NME7: variants seen among roughly 807,000 people sequenced by gnomAD.
The protein encoded by NME7 is NME/NM23 family member 7.
In NME7, 41 loss-of-function variants were observed where a neutral mutation model predicts 49.1. The ratio of observed to expected loss-of-function variants is 0.83; its 90% CI spans 0.65 to 1.08. NME7 has a LOEUF of 1.08. Ranked by LOEUF, NME7 falls within the 50% of genes least tolerant of loss-of-function variation. The pLI is 0.00. For synonymous variants in NME7, 139 were observed against 150.6 expected (o/e 0.92, Z 0.56); for missense variants, 423 against 463.4 (o/e 0.91, Z 0.80).
intron 7 of NME7, among the ~76,000 whole-genome samples, chr1:169,281,659 T>G (rs987938996): frequency 2.2e-4 from 34 of 152,214 alleles, no homozygotes; most frequent in Admixed American, 2.2e-3. Flanking sequence ...GTTTTTAGCA[T>G]GAAGGGGTGC....
intron 1 of NME7, among the ~76,000 whole-genome samples, chr1:169,344,500 G>A (rs1320988319): frequency 6.6e-6 from 1 of 152,144 alleles, no homozygotes; most frequent in South Asian, 2.1e-4. Flanking sequence ...ATTTAAATAT[G>A]TTGCTAGCTG....
chr1:169,147,734 C>T (rs149681839), intron 11 of NME7, among the ~76,000 whole-genome samples: 1 of 152,288 alleles, frequency 6.6e-6, no homozygotes, highest in East Asian at 1.9e-4. Context: ...TAAGCATTTG[C>T]CCAATATGAG....
rs1013543144 is a variant in NME7, at chr1:169,250,414, C to A, written c.755-12727G>T. ...TTTGTTTATCTTTTTGAAAAACCAA[C>A]TTTTAGTGTCATTGATCTTTGGTAT... On this transcript the variant is annotated intron_variant, in intron 7 of 11. Transcript: ENST00000367811. 3.3e-5 allele frequency among the ~76,000 whole-genome samples: 5 copies of A among 151,954 alleles called. No homozygotes were observed. The East Asian group carries it at 7.7e-4, about 23-fold the overall frequency.
intron 10 of NME7, among the ~76,000 whole-genome samples, chr1:169,175,062 C>T (rs1659715087): frequency 6.6e-6 from 1 of 152,084 alleles, no homozygotes; most frequent in Non-Finnish European, 1.5e-5. Flanking sequence ...ACACATTGTA[C>T]AGCTGTACAA....
chr1:169,228,683 C>CAAAAAA, intron 10 of NME7, among the ~76,000 whole-genome samples: 1 of 90,422 alleles, frequency 1.1e-5, no homozygotes, highest in Non-Finnish European at 2.1e-5. Flanking sequence ...GACTCCGTCT[C>CAAAAAA]AAAAAAAAAA....
At chr1:169,319,023 ATTTAATTTAATTTTAATTTTAATTTTAAT>A (rs1273152031) in intron 3 of NME7, among the ~76,000 whole-genome samples, 3 of 134,448 alleles carry the variant, frequency 2.2e-5, no homozygotes, top group Non-Finnish European at 3.4e-5. Flanking sequence ...TTAAAATTAA[ATTTAATTTAATTTTAATTTTAATTTTAAT>A]TTTAATTTAA....
intron 10 of NME7, among the ~76,000 whole-genome samples, chr1:169,181,734 G>A (rs1047143566): frequency 2.6e-5 from 4 of 151,912 alleles, no homozygotes; most frequent in African/African-American, 9.7e-5. Flanking sequence ...TATCTAAACC[G>A]CTTTGGCAAA....
intron 10 of NME7, among the ~76,000 whole-genome samples, chr1:169,224,574 T>C (rs1202683592): frequency 6.6e-6 from 1 of 152,184 alleles, no homozygotes; most frequent in East Asian, 1.9e-4. Flanking sequence ...ATATTTTACA[T>C]ATCATGTCAT....
chr1:169,180,901 A>G (rs1392554173), intron 10 of NME7, among the ~76,000 whole-genome samples: 2 of 152,158 alleles, frequency 1.3e-5, no homozygotes, highest in Non-Finnish European at 2.9e-5. Flanking sequence ...CTGGAGAGCT[A>G]TATGTGGCTA....
chr1:169,272,609 T>C (rs1558016192), intron 7 of NME7, among the ~76,000 whole-genome samples: 1 of 132,994 alleles, frequency 7.5e-6, no homozygotes, highest in Non-Finnish European at 1.8e-5. Context: ...TCCATGTCTC[T>C]GCAAAGGATA....
At chr1:169,267,631 C>T (rs1278107811) in intron 7 of NME7, among the ~76,000 whole-genome samples, 1 of 133,062 alleles carries the variant, frequency 7.5e-6, no homozygotes, top group African/African-American at 2.5e-5. Flanking sequence ...CTACAACCAT[C>T]TGATCTTTGA....
intron 10 of NME7, among the ~76,000 whole-genome samples, chr1:169,198,093 A>C (rs927333671): frequency 2.0e-5 from 3 of 152,124 alleles, no homozygotes; most frequent in Non-Finnish European, 2.9e-5. Flanking sequence ...GCCAATAAGC[A>C]CATAAAAAGA....
chr1:169,355,072 G>A (rs1201222492), intron 1 of NME7, among the ~76,000 whole-genome samples: 2 of 52,672 alleles, frequency 3.8e-5, no homozygotes, highest in Admixed American at 3.8e-4. Context: ...ATATATTATA[G>A]ATATAATATA....
intron 10 of NME7, among the ~76,000 whole-genome samples, chr1:169,198,245 C>T (rs78150511): frequency 0.015 from 2,215 of 152,096 alleles, 49 homozygotes; most frequent in African/African-American, 0.048. Flanking sequence ...CCCTCAAATA[C>T]TGCTAGTGGT....
At chr1:169,355,948 C>G (rs1405797794) in intron 1 of NME7, among the ~76,000 whole-genome samples, 1 of 152,128 alleles carries the variant, frequency 6.6e-6, no homozygotes, top group Non-Finnish European at 1.5e-5. Context: ...CTAGAGCTCT[C>G]TCTCAGAATA....
At chr1:169,231,631 G>A (rs1234647512) in intron 9 of NME7, among the ~76,000 whole-genome samples, 3 of 152,156 alleles carry the variant, frequency 2.0e-5, no homozygotes, top group Non-Finnish European at 2.9e-5. Flanking sequence ...AGAATTGCCA[G>A]AAAGTAGACC....
chr1:169,142,245 A>AT (rs1371160573), intron 11 of NME7, among the ~76,000 whole-genome samples: 2 of 152,350 alleles, frequency 1.3e-5, no homozygotes, highest in East Asian at 3.9e-4. Context: ...AGTAAAAGTC[A>AT]TTAAGAGCTC....
Position 169,266,450 on chromosome 1 carries a change from C to G in NME7, c.754+20853G>C, listed in dbSNP as rs757993726. 1.5e-5 allele frequency among the ~76,000 whole-genome samples: 2 copies of G among 133,648 alleles called. 1 individual carries two copies. Among genetic ancestry groups the G allele is most frequent in the Non-Finnish European group, 3.5e-5 (2 of 56,874 alleles). The allele number at this position is 133,648 out of a possible 152,430, so 87.7% of individuals were successfully genotyped here. On this transcript the variant is annotated intron_variant, in intron 7 of 11. Transcript: ENST00000367811. ...AAACTAGGCATTGAGGAACATACTT[C>G]AAAATAATAATAGTCATCAATGACA... is the stretch of plus-strand genomic sequence containing the variant.
At chr1:169,153,848 G>T (rs1156844174) in intron 11 of NME7, among the ~76,000 whole-genome samples, 1 of 149,510 alleles carries the variant, frequency 6.7e-6, no homozygotes, top group East Asian at 2.0e-4. Context: ...TTAAACACCT[G>T]CCACCATGCT....
Sources: gnomAD v4.1 joint callset for allele counts (sites outside exome capture counted in the v4.1 genomes callset) on GRCh38, gnomAD v4.1.1 for gene constraint, MANE v1.5 for transcripts, NCBI Gene and HGNC (gene_info 2026-07-23, HGNC 2026-07-21) for gene names.